USH2A: variants seen among roughly 807,000 people sequenced by gnomAD.
USH2A encodes the protein Usher syndrome 2A (autosomal recessive, mild).
A neutral mutation model predicts 538.9 loss-of-function variants in USH2A; 443 were observed. The ratio of observed to expected loss-of-function variants is 0.82; its 90% CI spans 0.76 to 0.89. The LOEUF (loss-of-function observed/expected upper bound fraction) is 0.89. Among genes scored for constraint, USH2A ranks in the 40% least tolerant of loss-of-function variants. USH2A has a pLI of 0.00. For missense variants in USH2A, 6,633 were observed against 6,324.8 expected (o/e 1.05, Z -1.65); for synonymous variants, 2,413 against 2,273.5 (o/e 1.06, Z -1.75).
rs2035813106 is a variant in USH2A, at chr1:216,236,205, A to T, written c.2810-4069T>A. Among the ~76,000 whole-genome samples the T allele has an allele frequency of 3.4e-5, 5 of 148,604 alleles. No individual in the cohort carries two copies. The South Asian group carries it at 1.1e-3, about 32-fold the overall frequency. ...GGTATGCTTTAAATGTTCTGCTGTT[A>T]TTTTTTTTTTCTGGGCTGCTACTCC... On this transcript the variant is annotated intron_variant, in intron 13 of 71. Coordinates refer to ENST00000307340, the MANE Select transcript of USH2A (RefSeq NM_206933.4).
intron 9 of USH2A, among the ~76,000 whole-genome samples, chr1:216,296,645 T>C (rs183846674): frequency 2.3e-4 from 35 of 152,152 alleles, no homozygotes; most frequent in African/African-American, 7.0e-4. Context: ...GTGACATTTA[T>C]GGAAAGTCTT....
intron 37 of USH2A, among the ~76,000 whole-genome samples, chr1:215,959,024 C>G (rs975493731): frequency 5.3e-5 from 8 of 152,108 alleles, no homozygotes; most frequent in African/African-American, 1.9e-4. Context: ...CTTAGGACTT[C>G]TGACTCACCA....
intron 44 of USH2A, among the ~76,000 whole-genome samples, chr1:215,860,799 C>T (rs1664294639): frequency 6.6e-6 from 1 of 152,148 alleles, no homozygotes; most frequent in African/African-American, 2.4e-5. Flanking sequence ...GGACTAAATT[C>T]TTCAGACATC....
At chr1:215,897,457 C>T (rs140081479) in intron 40 of USH2A, among the ~76,000 whole-genome samples, 13 of 152,138 alleles carry the variant, frequency 8.5e-5, no homozygotes, top group Admixed American at 2.0e-4. Context: ...GAGGCTGAGG[C>T]GGCTGGATCA....
chr1:215,835,164 C>A (rs1452196146), intron 47 of USH2A, among the ~76,000 whole-genome samples: 18 of 56,128 alleles, frequency 3.2e-4, no homozygotes, highest in African/African-American at 5.2e-4. Context: ...AGTGATGCAC[C>A]AAAAAAAAAA....
rs758660532 is a variant in USH2A, at chr1:215,634,667, G to A, written c.15089C>T (p.Ser5030Leu). 16 of 1,614,038 alleles carry A rather than the reference G, an allele frequency of 9.9e-6. No homozygotes were observed. Among genetic ancestry groups the A allele is most frequent in the African/African-American group, 9.3e-5 (7 of 74,910 alleles). ...GTAGAACTCTGTGCTTTTGCTCCGC[G>A]ATCCCTTCTTTTTCCCAGGAGTTGT... is the stretch of plus-strand genomic sequence containing the variant. ...VLTTPGKKKGSRSKSTEFYSE... is the reference protein window; with the variant it reads ...VLTTPGKKKGLRSKSTEFYSE... Residue 5030 changes from serine to leucine, a missense_variant, in exon 70 of 72, where the codon TCG becomes TTG. Transcript: ENST00000307340.
chr1:216,144,727 T>A (rs1460297206), intron 21 of USH2A, among the ~76,000 whole-genome samples: 1 of 152,178 alleles, frequency 6.6e-6, no homozygotes, highest in Non-Finnish European at 1.5e-5. Flanking sequence ...AATCTTTCCT[T>A]GATTGTCAAG....
At chr1:215,898,414 A>T (rs1416543711) in intron 40 of USH2A, among the ~76,000 whole-genome samples, 1 of 152,172 alleles carries the variant, frequency 6.6e-6, no homozygotes, top group Non-Finnish European at 1.5e-5. Flanking sequence ...TCAACAAAGG[A>T]TGCTATGCTA....
chr1:215,816,443 G>A (rs1662859540), intron 48 of USH2A, among the ~76,000 whole-genome samples: 2 of 151,964 alleles, frequency 1.3e-5, no homozygotes, highest in African/African-American at 4.8e-5. Context: ...GCCATTGAAT[G>A]TGTGATGCTG....
intron 20 of USH2A, among the ~76,000 whole-genome samples, chr1:216,183,457 CT>C (rs1252968660): frequency 1.3e-5 from 2 of 151,848 alleles, no homozygotes; most frequent in South Asian, 2.1e-4. Flanking sequence ...AAAATGGATT[CT>C]TTTTTTTAAT....
At chr1:216,251,960 C>T (rs892507400) in intron 11 of USH2A, among the ~76,000 whole-genome samples, 4 of 152,180 alleles carry the variant, frequency 2.6e-5, no homozygotes, top group African/African-American at 9.6e-5. Flanking sequence ...CCTTTTAGGA[C>T]TATTTCAGCC....
At chr1:216,341,133 C>T (rs1054226690) in intron 4 of USH2A, among the ~76,000 whole-genome samples, 15 of 152,154 alleles carry the variant, frequency 9.9e-5, no homozygotes, top group African/African-American at 3.4e-4. Context: ...AGCTGATAAA[C>T]GACTTCAGCA....
intron 14 of USH2A, among the ~76,000 whole-genome samples, chr1:216,220,596 T>C (rs941631601): frequency 6.8e-6 from 1 of 146,952 alleles, no homozygotes; most frequent in Non-Finnish European, 1.5e-5. Flanking sequence ...GGGGCAAAAA[T>C]AGAGAAAAAA....
At chr1:215,992,030 C>T (rs1484637245) in intron 35 of USH2A, among the ~76,000 whole-genome samples, 1 of 152,112 alleles carries the variant, frequency 6.6e-6, no homozygotes, top group Non-Finnish European at 1.5e-5. Context: ...TATTAGAATT[C>T]TCTCCATTAC....
chr1:215,668,706 G>T (rs1657708548), intron 64 of USH2A, among the ~76,000 whole-genome samples: 1 of 152,150 alleles, frequency 6.6e-6, no homozygotes, highest in Non-Finnish European at 1.5e-5. Context: ...CTAGAGACAA[G>T]GCACATGCTT....
At chr1:216,052,071 CAT>C (rs1422185343) in intron 30 of USH2A, among the ~76,000 whole-genome samples, 2 of 152,090 alleles carry the variant, frequency 1.3e-5, no homozygotes, top group Non-Finnish European at 2.9e-5. Flanking sequence ...TTGTGTATAA[CAT>C]GTGTATAGTG....
In USH2A at chr1:215,629,773, C is replaced by CTTT. The variant is rs34349385; in HGVS notation, c.15298-741_15298-739dup. On this transcript the variant is annotated intron_variant, in intron 70 of 71. Transcript: ENST00000307340. ...ATGTTTCTGCTTTTTCTTTTCTTTT[C>CTTT]TTTTTTTTTTTTTTTTTTTTGAGAC... 4.2e-4 allele frequency among the ~76,000 whole-genome samples: 53 copies of CTTT among 125,054 alleles called. 1 individual carries two copies. The highest frequency in any genetic ancestry group is 1.3e-3 in the African/African-American group (40 of 31,044). The allele number at this position is 125,054 out of a possible 152,430, so 82.0% of individuals were successfully genotyped here.
intron 20 of USH2A, among the ~76,000 whole-genome samples, chr1:216,188,367 TTATA>T (rs2034649158): frequency 6.6e-6 from 1 of 151,794 alleles, no homozygotes; most frequent in Non-Finnish European, 1.5e-5. Context: ...TTTAGTTTGC[TTATA>T]TCTATGAAAA....
chr1:215,731,327 G>C (rs1212108136), intron 60 of USH2A, among the ~76,000 whole-genome samples: 1 of 152,154 alleles, frequency 6.6e-6, no homozygotes, highest in Non-Finnish European at 1.5e-5. Context: ...TGTCCCATCT[G>C]CACTGCTAAA....
Sources: gnomAD v4.1 joint callset for allele counts (sites outside exome capture counted in the v4.1 genomes callset) on GRCh38, gnomAD v4.1.1 for gene constraint, MANE v1.5 for transcripts, NCBI Gene and HGNC (gene_info 2026-07-23, HGNC 2026-07-21) for gene names.